The following NXPE4 variants were observed in gnomAD, a reference collection of about 807,000 sequenced individuals.
NXPE4 encodes the protein neurexophilin and PC-esterase domain family member 4, also known as NXPE family member 4.
Under a neutral mutation model 33.3 loss-of-function variants are expected in NXPE4, and 42 were observed. The observed-to-expected ratio is 1.26, with a 90% CI of 0.98 to 1.63. The LOEUF (loss-of-function observed/expected upper bound fraction) is 1.63. Ranked by LOEUF, NXPE4 falls within the 40% of genes most tolerant of loss-of-function variation. The pLI is 0.00. For synonymous variants in NXPE4, 253 were observed against 234.9 expected, an observed-to-expected ratio of 1.08 and a Z score of -0.71; for missense variants, 709 against 647.6, an observed-to-expected ratio of 1.09 and a Z score of -1.03.
intron 2 of NXPE4, among the ~76,000 whole-genome samples, chr11:114,594,226 G>GAATA (rs1166810945): frequency 6.6e-6 from 1 of 152,074 alleles, no homozygotes; most frequent in African/African-American, 2.4e-5. Context: ...TTGAGGCAAT[G>GAATA]AATACCCCAT....
At chr11:114,629,934 T>G in the NXPE4 span, among the ~76,000 whole-genome samples, 16 of 149,862 alleles carry the variant, frequency 1.1e-4, no homozygotes, top group African/African-American at 2.2e-4. Context: ...GCTTCAAAGA[T>G]AATAAAATAC....
chr11:114,666,524 CTCT>C, the NXPE4 span, among the ~76,000 whole-genome samples: 4 of 152,070 alleles, frequency 2.6e-5, no homozygotes, highest in African/African-American at 9.7e-5. Context: ...AAAGGTAATT[CTCT>C]TTTTTTCAGA....
chr11:114,674,396 G>C, the NXPE4 span, among the ~76,000 whole-genome samples: 1 of 151,640 alleles, frequency 6.6e-6, no homozygotes, highest in South Asian at 2.1e-4. Flanking sequence ...ATTTCACTTA[G>C]CTACATAAAG....
At chr11:114,631,364 T>A in the NXPE4 span, among the ~76,000 whole-genome samples, 1 of 151,818 alleles carries the variant, frequency 6.6e-6, no homozygotes, top group South Asian at 2.1e-4. Context: ...TGAGTTCATG[T>A]CCTTTGTAGG....
chr11:114,602,356 TATA>T, the NXPE4 span, among the ~76,000 whole-genome samples: 8 of 126,906 alleles, frequency 6.3e-5, no homozygotes, highest in African/African-American at 1.8e-4. Flanking sequence ...ATATACTATA[TATA>T]ATATGTTATA....
At chr11:114,639,195 C>T in the NXPE4 span, among the ~76,000 whole-genome samples, 1 of 151,924 alleles carries the variant, frequency 6.6e-6, no homozygotes, top group Non-Finnish European at 1.5e-5. Flanking sequence ...CCCAGCCTCA[C>T]TGCCGCCTTT....
intron 2 of NXPE4, among the ~76,000 whole-genome samples, chr11:114,590,380 C>T (rs1949422053): frequency 6.6e-6 from 1 of 152,164 alleles, no homozygotes; most frequent in Non-Finnish European, 1.5e-5. Context: ...AGCCCATTTC[C>T]TCCTTCCCCC....
At chr11:114,659,439 A>G in the NXPE4 span, among the ~76,000 whole-genome samples, 2 of 152,026 alleles carry the variant, frequency 1.3e-5, no homozygotes, top group African/African-American at 4.8e-5. Flanking sequence ...TAAACAAAAA[A>G]AAGAGAAAAA....
At chr11:114,655,551 A>G in the NXPE4 span, among the ~76,000 whole-genome samples, 286 of 152,300 alleles carry the variant, frequency 1.9e-3, 2 homozygotes, top group African/African-American at 5.5e-3. Flanking sequence ...ATGGCTAGCC[A>G]GTTTTCCCAG....
the NXPE4 span, among the ~76,000 whole-genome samples, chr11:114,639,136 G>A: frequency 0.092 from 13,989 of 152,004 alleles, 814 homozygotes; most frequent in Middle Eastern, 0.2. Flanking sequence ...CGAGCTTCCC[G>A]GCTGCTTTGT....
the NXPE4 span, among the ~76,000 whole-genome samples, chr11:114,603,365 G>A: frequency 1.1e-3 from 163 of 151,216 alleles, no homozygotes; most frequent in African/African-American, 3.8e-3. Flanking sequence ...ATTACCTGAC[G>A]GATGATAAGT....
chr11:114,621,807 C>T, the NXPE4 span, among the ~76,000 whole-genome samples: 1 of 151,828 alleles, frequency 6.6e-6, no homozygotes, highest in South Asian at 2.1e-4. Context: ...ATAATTATTG[C>T]CTTGTGGGTA....
the NXPE4 span, among the ~76,000 whole-genome samples, chr11:114,672,243 C>A: frequency 4.6e-5 from 7 of 151,802 alleles, no homozygotes. Context: ...CCATATCACA[C>A]ACAAAAAGCA....
the NXPE4 span, among the ~76,000 whole-genome samples, chr11:114,606,330 T>C: frequency 6.6e-6 from 1 of 151,718 alleles, no homozygotes; most frequent in Non-Finnish European, 1.5e-5. Flanking sequence ...CAGTGGATAA[T>C]AAGTGTTACC....
upstream of NXPE4, among the ~76,000 whole-genome samples, chr11:114,598,246 A>G (rs1949600557): frequency 2.2e-5 from 1 of 45,454 alleles, no homozygotes; most frequent in Non-Finnish European, 4.7e-5. Context: ...CACTAACGCA[A>G]GGGGTGGGCT....
the NXPE4 span, among the ~76,000 whole-genome samples, chr11:114,603,098 T>C: frequency 1.3e-5 from 2 of 151,920 alleles, no homozygotes; most frequent in Non-Finnish European, 2.9e-5. Context: ...ATAATTATTG[T>C]CTTGTCTCAT....
intron 2 of NXPE4, among the ~76,000 whole-genome samples, chr11:114,585,267 T>A (rs1428264757): frequency 6.6e-6 from 1 of 151,712 alleles, no homozygotes; most frequent in African/African-American, 2.4e-5. Flanking sequence ...GAGATACTAT[T>A]TTTATTTTTG....
chr11:114,586,783 C>T (rs906665214), intron 2 of NXPE4, among the ~76,000 whole-genome samples: 4 of 152,168 alleles, frequency 2.6e-5, no homozygotes, highest in Non-Finnish European at 5.9e-5. Flanking sequence ...TTTCTCCTTT[C>T]CTATCCGCAA....
At chr11:114,664,533 C>A in the NXPE4 span, among the ~76,000 whole-genome samples, 1 of 152,122 alleles carries the variant, frequency 6.6e-6, no homozygotes, top group Non-Finnish European at 1.5e-5. Flanking sequence ...TGTCATTTCC[C>A]ACATTTGCTC....
Sources: gnomAD v4.1 joint callset for allele counts (sites outside exome capture counted in the v4.1 genomes callset) on GRCh38, gnomAD v4.1.1 for gene constraint, MANE v1.5 for transcripts, NCBI Gene and HGNC (gene_info 2026-07-23, HGNC 2026-07-21) for gene names.